PRCP: variants seen among roughly 807,000 people sequenced by gnomAD.
The protein encoded by PRCP is prolylcarboxypeptidase.
A neutral mutation model predicts 54.2 loss-of-function variants in PRCP; 46 were observed. That is an observed-to-expected ratio of 0.85 (90% CI 0.67 to 1.09). PRCP has a LOEUF of 1.09. Among genes scored for constraint, PRCP ranks in the 50% least tolerant of loss-of-function variants. The pLI is 0.00. For missense variants in PRCP, 613 were observed against 596.8 expected (o/e 1.03, Z -0.28); for synonymous variants, 240 against 212.2 (o/e 1.13, Z -1.14).
chr11:82,826,071 A>G (rs1858225657), intron 8 of PRCP: 1 of 152,196 alleles, frequency 6.6e-6, no homozygotes, highest in Non-Finnish European at 1.5e-5. Context: ...TCCATTTTAG[A>G]ACACTTTCGT....
chr11:82,828,761 A>C (rs1858304769), intron 8 of PRCP: 1 of 152,206 alleles, frequency 6.6e-6, no homozygotes, highest in Non-Finnish European at 1.5e-5. Flanking sequence ...TAAACTTCAG[A>C]ACCAAAGTTC....
In PRCP at chr11:82,845,395, G is replaced by GA. The variant is rs143781534; in HGVS notation, c.921+3653dup. Among the ~76,000 whole-genome samples the GA allele has an allele frequency of 9.1e-4, 134 of 147,440 alleles. No homozygotes were observed. The Middle Eastern group carries it at 0.017, about 19-fold the overall frequency. ...AGGAAGGAAAGAAGATATGTTGGGG[G>GA]AAAAAAAAAAGACCAATCTCCTCTC... is the stretch of plus-strand genomic sequence containing the variant. On this transcript the variant is annotated intron_variant, in intron 6 of 8. Coordinates refer to ENST00000313010, the MANE Select transcript of PRCP (RefSeq NM_005040.4).
intron 1 of PRCP, among the ~76,000 whole-genome samples, chr11:82,861,667 T>G (rs946474634): frequency 6.6e-6 from 1 of 151,862 alleles, no homozygotes; most frequent in Admixed American, 6.6e-5. Context: ...AATATAAAGG[T>G]AAAAGAGCAA....
At chr11:82,884,835 G>A in intron 1 of PRCP, 2 of 1,613,372 alleles carry the variant, frequency 1.2e-6, no homozygotes, top group Non-Finnish European at 1.7e-6. Context: ...GAGGAGTCTT[G>A]TAATGATTTA....
chr11:82,865,398 T>C (rs1340837136), intron 1 of PRCP, among the ~76,000 whole-genome samples: 1 of 152,230 alleles, frequency 6.6e-6, no homozygotes. Context: ...TTGCAGAATA[T>C]GTGGAATGTT....
chr11:82,889,350 C>T lies in PRCP; in HGVS notation c.168+10885G>A, dbSNP rs182633314. On this transcript the variant is annotated intron_variant, in intron 1 of 8. Transcript: ENST00000313010. Reference sequence around the variant, plus strand: ...CTGCACTCCAGCCTGGGTGACAGAGCAAGACTCTGTCTCAAAAAAAAAACC... The same window carrying T: ...CTGCACTCCAGCCTGGGTGACAGAGTAAGACTCTGTCTCAAAAAAAAAACC... Among the ~76,000 whole-genome samples, 68 of 139,680 alleles carry T rather than the reference C, an allele frequency of 4.9e-4. 1 individual carries two copies. Among genetic ancestry groups the T allele is most frequent in the African/African-American group, 1.7e-3 (62 of 35,740 alleles). 91.6% of individuals were successfully genotyped at this position (139,680 alleles called of 152,430 possible).
chr11:82,885,241 T>C (rs1196641719), intron 1 of PRCP, among the ~76,000 whole-genome samples: 3 of 152,204 alleles, frequency 2.0e-5, no homozygotes, highest in Admixed American at 1.3e-4. Flanking sequence ...ATGTGTAATA[T>C]ATATTTAATA....
intron 1 of PRCP, among the ~76,000 whole-genome samples, chr11:82,892,113 G>A (rs1023682978): frequency 3.3e-5 from 5 of 152,166 alleles, no homozygotes; most frequent in South Asian, 2.1e-4. Flanking sequence ...AGTGGACACA[G>A]AGACATCAGT....
intron 7 of PRCP, 101 bp from the exon 8 acceptor site, chr11:82,838,675 G>A: frequency 8.3e-7 from 1 of 1,201,828 alleles, no homozygotes; most frequent in East Asian, 2.6e-5. Context: ...TGAAGGCAGG[G>A]TTTGAACTCA....
intron 6 of PRCP, among the ~76,000 whole-genome samples, chr11:82,847,314 A>G (rs568986416): frequency 2.0e-5 from 3 of 152,284 alleles, no homozygotes; most frequent in African/African-American, 7.2e-5. Flanking sequence ...TTTCCTCCTA[A>G]CCCAGTGCAA....
At chr11:82,889,193 C>CT (rs71463133) in intron 1 of PRCP, among the ~76,000 whole-genome samples, 9 of 144,828 alleles carry the variant, frequency 6.2e-5, no homozygotes, top group South Asian at 4.4e-4. Flanking sequence ...GACCCCATTT[C>CT]TTTTTTTTAA....
chr11:82,853,744 A>T (rs1306206194), intron 2 of PRCP, among the ~76,000 whole-genome samples: 1 of 152,208 alleles, frequency 6.6e-6, no homozygotes, highest in East Asian at 1.9e-4. Context: ...ACGAAAATAG[A>T]TGCAAAAACC....
In PRCP at chr11:82,869,445, G is replaced by T. The variant is rs571312050; in HGVS notation, c.169-9328C>A. The stretch of plus-strand genomic sequence containing the variant: ...AAGAAAGCGGTATAGAGAGACAGAA[G>T]AAAGAGAAGGAAGGGAAGGGAAAGG... On this transcript the variant is annotated intron_variant, in intron 1 of 8. Coordinates refer to ENST00000313010, the MANE Select transcript of PRCP (RefSeq NM_005040.4). 1.8e-4 allele frequency among the ~76,000 whole-genome samples: 28 copies of T among 151,508 alleles called. No homozygotes were observed. In the South Asian group the frequency reaches 5.6e-3, roughly 31 times the overall value.
At chr11:82,830,240 G>A (rs1272633302) in intron 8 of PRCP, 1 of 151,668 alleles carries the variant, frequency 6.6e-6, no homozygotes, top group Non-Finnish European at 1.5e-5. Context: ...ACCACCAAGA[G>A]GTAAATGAAT....
At chr11:82,825,439 A>C in intron 8 of PRCP, 1 of 285,418 alleles carries the variant, frequency 3.5e-6, no homozygotes, top group Non-Finnish European at 6.7e-6. Context: ...AAAGTTATAT[A>C]ATGCAAGTTA....
chr11:82,882,206 C>T (rs1000720016), intron 1 of PRCP, among the ~76,000 whole-genome samples: 1 of 151,462 alleles, frequency 6.6e-6, no homozygotes, highest in Non-Finnish European at 1.5e-5. Context: ...AAAGGGGAGA[C>T]AGAAGAGATG....
chr11:82,833,441 C>T (rs146827258), intron 8 of PRCP, among the ~76,000 whole-genome samples: 1 of 152,152 alleles, frequency 6.6e-6, no homozygotes, highest in Non-Finnish European at 1.5e-5. Context: ...AGTCAGGAAA[C>T]AACAGATACT....
At chr11:82,864,210 T>C (rs1422430025) in intron 1 of PRCP, among the ~76,000 whole-genome samples, 2 of 152,258 alleles carry the variant, frequency 1.3e-5, no homozygotes, top group Non-Finnish European at 1.5e-5. Flanking sequence ...TCCTATTTTC[T>C]GAGTGCTTCA....
intron 1 of PRCP, among the ~76,000 whole-genome samples, chr11:82,891,438 T>G (rs1485567411): frequency 2.0e-5 from 3 of 152,182 alleles, no homozygotes; most frequent in Non-Finnish European, 4.4e-5. Flanking sequence ...ATAGCCAAAG[T>G]GTTTCTTAAG....
Sources: allele counts gnomAD v4.1 joint callset (sites outside exome capture counted in the v4.1 genomes callset), GRCh38; gene constraint gnomAD v4.1.1; transcripts MANE v1.5; gene names NCBI Gene and HGNC (gene_info 2026-07-23, HGNC 2026-07-21).